Variants in FER1L6 observed in about 807,000 individuals in gnomAD.
FER1L6 encodes fer-1-like protein 6.
FER1L6 carries 177 observed loss-of-function variants against 219.2 expected under a neutral mutation model. The ratio of observed to expected loss-of-function variants is 0.81; its 90% CI spans 0.71 to 0.91. The LOEUF is 0.91. FER1L6 is among the 40% of genes least tolerant of loss of function. The probability of loss-of-function intolerance (pLI) is 0.00; values close to 1 mark genes in which losing one functional copy is unlikely to be tolerated. For synonymous variants in FER1L6, 768 were observed against 824.3 expected, an observed-to-expected ratio of 0.93 and a Z score of 1.17; for missense variants, 2,153 against 2,259.9, an observed-to-expected ratio of 0.95 and a Z score of 0.96.
At chr8:123,892,632 T>C (rs1004945670) in intron 1 of FER1L6, among the ~76,000 whole-genome samples, 2 of 152,210 alleles carry the variant, frequency 1.3e-5, no homozygotes, top group African/African-American at 4.8e-5. Context: ...CTCTATTCAT[T>C]GTTTGGGAAA....
chr8:123,886,722 A>G (rs1817209607), intron 1 of FER1L6, among the ~76,000 whole-genome samples: 1 of 152,074 alleles, frequency 6.6e-6, no homozygotes, highest in Non-Finnish European at 1.5e-5. Context: ...CCTGATTTGG[A>G]TGATAATTTG....
At chr8:124,009,920 T>C (rs1817837831) in intron 13 of FER1L6, among the ~76,000 whole-genome samples, 1 of 151,758 alleles carries the variant, frequency 6.6e-6, no homozygotes, top group Admixed American at 6.6e-5. Context: ...GGAGAAGTCT[T>C]GTTCTAGTTT....
intron 32 of FER1L6, among the ~76,000 whole-genome samples, chr8:124,076,886 CAA>C (rs1821318396): frequency 6.6e-6 from 1 of 152,186 alleles, no homozygotes; most frequent in African/African-American, 2.4e-5. Context: ...CCCCTGAGGT[CAA>C]AGAGTTGAAC....
At chr8:124,058,523 A>C (rs1820411459) in intron 22 of FER1L6, among the ~76,000 whole-genome samples, 1 of 152,214 alleles carries the variant, frequency 6.6e-6, no homozygotes, top group African/African-American at 2.4e-5. Context: ...AAAGTCATTT[A>C]ATTGCCACAA....
At position 124,021,567 on chromosome 8, in the gene FER1L6, G is replaced by T. The variant is rs1221605576; in HGVS notation, c.2031G>T (p.Glu677Asp). Reference sequence around the variant, plus strand: ...TGTTTTAGGAAGCAATGTGCAAGGAGGCCAAGGGGATCATTCAGCAGCAGA... The same window carrying T: ...TGTTTTAGGAAGCAATGTGCAAGGATGCCAAGGGGATCATTCAGCAGCAGA... ...CWQELEAMCK[E>D]AKGIIQQQKK... Residue 677 changes from glutamate to aspartate, a missense_variant, in exon 17 of 41, where the codon GAG becomes GAT. Physicochemically the swap from Glu to Asp is conservative, Grantham distance 45. Coordinates refer to ENST00000522917, the MANE Select transcript of FER1L6 (RefSeq NM_001039112.2). 6.2e-7 allele frequency: 1 copy of T among 1,614,024 alleles called. No homozygotes were observed. Among genetic ancestry groups the T allele is most frequent in the African/African-American group, 1.3e-5 (1 of 74,936 alleles).
intron 15 of FER1L6, among the ~76,000 whole-genome samples, chr8:124,017,396 GA>G (rs1203989099): frequency 6.0e-5 from 9 of 151,176 alleles, no homozygotes; most frequent in Middle Eastern, 6.8e-3. Flanking sequence ...AAAGAAAGTG[GA>G]AAAAAAAATC....
intron 1 of FER1L6, among the ~76,000 whole-genome samples, chr8:123,879,366 G>T (rs1052777568): frequency 3.3e-5 from 5 of 151,998 alleles, no homozygotes; most frequent in Non-Finnish European, 7.4e-5. Context: ...TCACTCTGTT[G>T]ACCAGGCTGG....
intron 1 of FER1L6, among the ~76,000 whole-genome samples, chr8:123,867,555 TTATC>T (rs1467674172): frequency 6.6e-6 from 1 of 152,232 alleles, no homozygotes; most frequent in African/African-American, 2.4e-5. Flanking sequence ...GGCAAATTAC[TTATC>T]TAAGATTCAG....
At chr8:124,102,753 G>A (rs573204060) in intron 38 of FER1L6, among the ~76,000 whole-genome samples, 8 of 152,306 alleles carry the variant, frequency 5.3e-5, no homozygotes, top group African/African-American at 1.9e-4. Context: ...CAAGAGAGAG[G>A]TGAAGTGGGG....
chr8:124,078,653 C>T (rs918460092), intron 32 of FER1L6, among the ~76,000 whole-genome samples: 8 of 151,246 alleles, frequency 5.3e-5, no homozygotes, highest in Non-Finnish European at 7.4e-5. Flanking sequence ...CAAATAAATG[C>T]GTGATTACAA....
chr8:123,982,909 TC>T (rs1816383014), intron 11 of FER1L6, among the ~76,000 whole-genome samples: 1 of 152,170 alleles, frequency 6.6e-6, no homozygotes, highest in Non-Finnish European at 1.5e-5. Context: ...CTTCTCCAGA[TC>T]CAAGAGGGAG....
chr8:123,913,444 T>G (rs987768238), intron 1 of FER1L6, among the ~76,000 whole-genome samples: 2 of 152,218 alleles, frequency 1.3e-5, no homozygotes, highest in African/African-American at 4.8e-5. Flanking sequence ...TGCCTCTCCC[T>G]TACAGATTTC....
intron 12 of FER1L6, among the ~76,000 whole-genome samples, chr8:123,992,023 C>G (rs143003672): frequency 6.6e-6 from 1 of 152,026 alleles, no homozygotes; most frequent in Non-Finnish European, 1.5e-5. Flanking sequence ...ATACATTAAA[C>G]CATTCCCGCA....
chr8:123,935,128 T>G (rs1420570497), intron 1 of FER1L6, among the ~76,000 whole-genome samples: 2 of 152,210 alleles, frequency 1.3e-5, no homozygotes, highest in East Asian at 3.8e-4. Flanking sequence ...AATGGTGACT[T>G]AAGTTTTTTT....
chr8:123,898,156 A>G (rs970113548), intron 1 of FER1L6, among the ~76,000 whole-genome samples: 4 of 152,178 alleles, frequency 2.6e-5, no homozygotes, highest in Non-Finnish European at 4.4e-5. Context: ...CAGTTATTAT[A>G]TATGTTTTAA....
intron 29 of FER1L6, 81 bp from the exon 30 acceptor site, chr8:124,070,386 T>G (rs1391044392): frequency 2.6e-6 from 4 of 1,518,914 alleles, no homozygotes; most frequent in Non-Finnish European, 3.6e-6. Context: ...AAGGCTGGTT[T>G]TGGAGAATCT....
intron 7 of FER1L6, among the ~76,000 whole-genome samples, chr8:123,974,322 T>C (rs1815951900): frequency 6.6e-6 from 1 of 152,052 alleles, no homozygotes; most frequent in African/African-American, 2.4e-5. Context: ...GTGCCTTTGG[T>C]ATTTACTGCC....
intron 12 of FER1L6, among the ~76,000 whole-genome samples, chr8:123,993,788 C>T (rs1256663708): frequency 2.6e-5 from 4 of 152,174 alleles, no homozygotes; most frequent in Non-Finnish European, 4.4e-5. Context: ...TGTGAAAATG[C>T]CAACAAATGA....
rs115651824 is a variant in FER1L6 at position 124,049,718 on chromosome 8, T to A, written c.2836T>A (p.Ser946Thr). 33 of 1,614,080 alleles carry A rather than the reference T, an allele frequency of 2.0e-5. No individual in the cohort carries two copies. The African/African-American group carries it at 3.7e-4, about 18-fold the overall frequency. The change falls in exon 22 of 41, where the codon TCT becomes ACT. Residue 946 changes from serine to threonine, a missense_variant. By Grantham distance (58) the Ser-to-Thr change is moderately conservative (BLOSUM62 1). Coordinates refer to ENST00000522917, the MANE Select transcript of FER1L6 (RefSeq NM_001039112.2). Reference protein sequence around the residue: ...CYHPIFCGNLSGGDLLAVFEL... With the variant: ...CYHPIFCGNLTGGDLLAVFEL... ...TCACCCCATCTTTTGTGGGAATCTC[T>A]CTGGAGGGGATCTCCTTGCTGTATT... is the stretch of plus-strand genomic sequence containing the variant.
Sources: allele counts gnomAD v4.1 joint callset (sites outside exome capture counted in the v4.1 genomes callset), GRCh38; gene constraint gnomAD v4.1.1; transcripts MANE v1.5; gene names NCBI Gene and HGNC (gene_info 2026-07-23, HGNC 2026-07-21).